Variants in GRIA2 observed in about 807,000 individuals in gnomAD.
GRIA2 encodes glutamate ionotropic receptor AMPA type subunit 2.
A neutral mutation model predicts 97.3 loss-of-function variants in GRIA2; 14 were observed. The observed-to-expected ratio is 0.14, with a 90% CI of 0.10 to 0.23. The LOEUF is 0.23. GRIA2 is among the 10% of genes least tolerant of loss of function. GRIA2 has a pLI of 1.00. For missense variants in GRIA2, 558 were observed against 1,069.8 expected, an observed-to-expected ratio of 0.52 and a Z score of 6.67; for synonymous variants, 412 against 387.8, an observed-to-expected ratio of 1.06 and a Z score of -0.73.
chr4:157,303,411 T>C, intron 2 of GRIA2, 141 bp from the exon 3 acceptor site: 1 of 691,180 alleles, frequency 1.4e-6, no homozygotes, highest in Non-Finnish European at 2.4e-6. Flanking sequence ...GTTAATAAAT[T>C]ACAATGGATC....
At chr4:157,268,668 A>G (rs1341470499) in intron 2 of GRIA2, among the ~76,000 whole-genome samples, 1 of 152,010 alleles carries the variant, frequency 6.6e-6, no homozygotes, top group African/African-American at 2.4e-5. Context: ...TTTTCTAAAA[A>G]TATAATTTAT....
At chr4:157,336,281 G>T (rs937131369) in intron 10 of GRIA2, 96 bp from the exon 11 acceptor site, 1 of 1,004,698 alleles carries the variant, frequency 1.0e-6, no homozygotes, top group African/African-American at 1.6e-5. Flanking sequence ...TCATTTTTCT[G>T]ATTTCCTCTC....
At chr4:157,221,622 C>T (rs1168717292) in intron 1 of GRIA2, 45 bp from the exon 2 acceptor site, 3 of 1,596,982 alleles carry the variant, frequency 1.9e-6, no homozygotes, top group East Asian at 2.2e-5. Context: ...CTTTCCCTCC[C>T]GGGGCACTGA....
intron 2 of GRIA2, among the ~76,000 whole-genome samples, chr4:157,296,400 T>C (rs1204835503): frequency 6.6e-6 from 1 of 152,172 alleles, no homozygotes; most frequent in Non-Finnish European, 1.5e-5. Flanking sequence ...GTTCTGATTG[T>C]ATGTTCATTT....
At chr4:157,353,640 G>A (rs1275050176) in intron 12 of GRIA2, among the ~76,000 whole-genome samples, 1 of 152,036 alleles carries the variant, frequency 6.6e-6, no homozygotes, top group Non-Finnish European at 1.5e-5. Flanking sequence ...AGGAGATAGA[G>A]CCACTGCACT....
chr4:157,298,043 T>C (rs758984944), intron 2 of GRIA2, among the ~76,000 whole-genome samples: 2 of 151,934 alleles, frequency 1.3e-5, no homozygotes, highest in Non-Finnish European at 2.9e-5. Flanking sequence ...AAGATAGATT[T>C]TGAAGAAAAA....
intron 2 of GRIA2, among the ~76,000 whole-genome samples, chr4:157,290,115 G>T (rs185517396): frequency 7.9e-5 from 12 of 151,846 alleles, no homozygotes; most frequent in Admixed American, 5.3e-4. Context: ...AAAGAATAAT[G>T]GTTATAGAAA....
At chr4:157,329,683 A>G (rs1201617267) in intron 6 of GRIA2, among the ~76,000 whole-genome samples, 1 of 151,936 alleles carries the variant, frequency 6.6e-6, no homozygotes, top group Admixed American at 6.6e-5. Context: ...ACAAAAGAAG[A>G]AAATAATGCA....
In GRIA2 at chr4:157,286,723, T is replaced by G. The variant is rs373302539; in HGVS notation, c.230-16829T>G. ...TTTGGTATTTTAGAAGGCATTTTTA[T>G]TTCAGGAAACAAATCAATACGATTA... On this transcript the variant is annotated intron_variant, in intron 2 of 15. Coordinates refer to ENST00000264426, the MANE Select transcript of GRIA2 (RefSeq NM_001083619.3). Among the ~76,000 whole-genome samples the G allele has an allele frequency of 2.1e-3, 320 of 151,688 alleles. 12 individuals carry two copies. The South Asian group carries it at 0.064, about 30-fold the overall frequency.
At chr4:157,252,588 A>T (rs935279845) in intron 2 of GRIA2, among the ~76,000 whole-genome samples, 1 of 152,130 alleles carries the variant, frequency 6.6e-6, no homozygotes, top group African/African-American at 2.4e-5. Context: ...TTGATATTGT[A>T]TAATGAATTA....
chr4:157,345,028 C>A (rs1022855766), intron 12 of GRIA2, among the ~76,000 whole-genome samples: 1 of 151,918 alleles, frequency 6.6e-6, no homozygotes, highest in South Asian at 2.1e-4. Flanking sequence ...AGTTAGGGAT[C>A]TGTTTTGTAC....
At chr4:157,300,846 C>T (rs1056579597) in intron 2 of GRIA2, among the ~76,000 whole-genome samples, 12 of 152,062 alleles carry the variant, frequency 7.9e-5, no homozygotes, top group African/African-American at 2.7e-4. Flanking sequence ...TTCCAGATGG[C>T]CGCAATAACC....
upstream of GRIA2, chr4:157,220,652 A>ATG (rs60010721): frequency 5.0e-3 from 931 of 186,626 alleles, 3 homozygotes; most frequent in African/African-American, 0.019. Flanking sequence ...GCGTGTGTGT[A>ATG]TGTGTGTGTG....
intron 2 of GRIA2, among the ~76,000 whole-genome samples, chr4:157,292,403 G>A (rs142355759): frequency 6.6e-6 from 1 of 151,896 alleles, no homozygotes; most frequent in South Asian, 2.1e-4. Flanking sequence ...AATATTAGAA[G>A]AATTTAATGT....
At chr4:157,315,509 G>GTT (rs529422867) in intron 4 of GRIA2, among the ~76,000 whole-genome samples, 1 of 148,130 alleles carries the variant, frequency 6.8e-6, no homozygotes, top group South Asian at 2.1e-4. Flanking sequence ...TAGGCTATGG[G>GTT]TTTTTTTTTG....
At chr4:157,242,252 C>T (rs557679303) in intron 2 of GRIA2, among the ~76,000 whole-genome samples, 1 of 152,064 alleles carries the variant, frequency 6.6e-6, no homozygotes, top group East Asian at 1.9e-4. Context: ...TAGCAATACA[C>T]TAGTAATGAA....
chr4:157,361,613 C>T lies in GRIA2; in HGVS notation c.2406+489C>T, dbSNP rs1736634132. 2 of 1,612,638 alleles carry T rather than the reference C, an allele frequency of 1.2e-6. No homozygotes were observed. The highest frequency in any genetic ancestry group is 8.5e-7 in the Non-Finnish European group (1 of 1,178,996). On this transcript the variant is annotated intron_variant, in intron 14 of 15. Coordinates refer to ENST00000264426, the MANE Select transcript of GRIA2 (RefSeq NM_001083619.3). This position sits in a 1 kb window ranked among gnomAD's most constrained non-coding sequence, Gnocchi z 5.2. ...ACAAGCTGAAAAACAAATGGTGGTA[C>T]GATAAAGGTGAATGTGGAGCCAAGG...
intron 2 of GRIA2, among the ~76,000 whole-genome samples, chr4:157,227,434 G>A (rs1729798726): frequency 6.6e-6 from 1 of 152,132 alleles, no homozygotes; most frequent in Non-Finnish European, 1.5e-5. Flanking sequence ...ATATAATCAA[G>A]TTTTCAGAGA....
intron 2 of GRIA2, among the ~76,000 whole-genome samples, chr4:157,277,989 A>T (rs556255145): frequency 7.3e-5 from 11 of 150,702 alleles, no homozygotes; most frequent in Admixed American, 4.0e-4. Context: ...AAATGGGAAG[A>T]TATTCCATAT....
Sources: gnomAD v4.1 joint callset for allele counts (sites outside exome capture counted in the v4.1 genomes callset) on GRCh38, gnomAD v4.1.1 for gene constraint, Gnocchi (gnomAD v3.1) non-coding constraint, MANE v1.5 for transcripts, NCBI Gene and HGNC (gene_info 2026-07-23, HGNC 2026-07-21) for gene names.